Variants in SLC30A8 observed in about 807,000 individuals in gnomAD.
SLC30A8 encodes the protein proton-coupled zinc antiporter SLC30A8.
A neutral mutation model predicts 36.9 loss-of-function variants in SLC30A8; 27 were observed. The ratio of observed to expected loss-of-function variants is 0.73; its 90% confidence interval spans 0.54 to 1.01. SLC30A8 has a LOEUF of 1.01. Ranked by LOEUF, SLC30A8 falls within the 50% of genes least tolerant of loss-of-function variation. The pLI is 0.00. For missense variants in SLC30A8, 439 were observed against 452.0 expected, an observed-to-expected ratio of 0.97 and a Z score of 0.26; for synonymous variants, 164 against 172.4, an observed-to-expected ratio of 0.95 and a Z score of 0.38.
chr8:117,009,669 G>A (rs1816283574), intron 1 of SLC30A8, among the ~76,000 whole-genome samples: 1 of 152,148 alleles, frequency 6.6e-6, no homozygotes. Context: ...TAAAGGAGAA[G>A]CTGATAAATT....
At chr8:117,143,501 T>C (rs1173670875) in intron 1 of SLC30A8, among the ~76,000 whole-genome samples, 2 of 152,164 alleles carry the variant, frequency 1.3e-5, no homozygotes, top group African/African-American at 4.8e-5. Context: ...AAAATTCACA[T>C]CATTGTTCTG....
At chr8:117,037,148 G>T (rs1028688029) in intron 1 of SLC30A8, among the ~76,000 whole-genome samples, 1 of 151,492 alleles carries the variant, frequency 6.6e-6, no homozygotes, top group African/African-American at 2.4e-5. Context: ...TTCTTTTTTG[G>T]CAGGCAGGAA....
chr8:117,131,964 C>T (rs1025953830), upstream of SLC30A8, among the ~76,000 whole-genome samples: 16 of 152,072 alleles, frequency 1.1e-4, no homozygotes, highest in Admixed American at 2.6e-4. Flanking sequence ...AATTGTCTAC[C>T]TAACTAACTT....
chr8:117,123,329 T>C (rs1315077063), intron 2 of SLC30A8, among the ~76,000 whole-genome samples: 1 of 152,022 alleles, frequency 6.6e-6, no homozygotes. Flanking sequence ...CTAGCTGATT[T>C]TATGCAGTGC....
chr8:116,978,335 G>A (rs1815123741), intron 1 of SLC30A8, among the ~76,000 whole-genome samples: 1 of 152,146 alleles, frequency 6.6e-6, no homozygotes, highest in Non-Finnish European at 1.5e-5. Context: ...AAAAGACTTT[G>A]GGAAGGATGG....
intron 1 of SLC30A8, among the ~76,000 whole-genome samples, chr8:116,971,305 A>G (rs1183325242): frequency 6.7e-6 from 1 of 150,294 alleles, no homozygotes; most frequent in Non-Finnish European, 1.5e-5. Flanking sequence ...CCCTGTAGGA[A>G]AAAAAAAAAC....
chr8:117,143,694 A>ACACACACACACACACT (rs1205607816), intron 1 of SLC30A8, among the ~76,000 whole-genome samples: 2 of 151,384 alleles, frequency 1.3e-5, no homozygotes, highest in African/African-American at 4.9e-5. Context: ...ACACACACAC[A>ACACACACACACACACT]CACTCACACA....
intron 1 of SLC30A8, among the ~76,000 whole-genome samples, chr8:116,983,609 G>T (rs1381218178): frequency 3.9e-5 from 6 of 152,092 alleles, no homozygotes; most frequent in Admixed American, 6.6e-5. Context: ...AAATGTCCCT[G>T]TTTAATAATA....
intron 1 of SLC30A8, among the ~76,000 whole-genome samples, chr8:117,011,079 C>T (rs1816328805): frequency 6.6e-6 from 1 of 152,218 alleles, no homozygotes; most frequent in East Asian, 1.9e-4. Context: ...CTACGCTAAA[C>T]TCTTATCTAC....
intron 5 of SLC30A8, 136 bp downstream of exon 5, chr8:117,162,024 C>T: frequency 1.5e-6 from 1 of 657,722 alleles, no homozygotes; most frequent in Non-Finnish European, 2.4e-6. Context: ...CTAAAGCAAG[C>T]AAACACTCAA....
chr8:117,016,267 C>T (rs1259572665), intron 1 of SLC30A8, among the ~76,000 whole-genome samples: 3 of 152,152 alleles, frequency 2.0e-5, no homozygotes, highest in Non-Finnish European at 2.9e-5. Context: ...AGTAAATAGC[C>T]TTTGAAAAAT....
chr8:117,084,943 G>C (rs1037526600), intron 2 of SLC30A8, among the ~76,000 whole-genome samples: 3 of 152,060 alleles, frequency 2.0e-5, no homozygotes, highest in African/African-American at 7.2e-5. Context: ...GTTTGTATTT[G>C]TGTCTCTGAG....
At chr8:116,981,210 T>C (rs1227264106) in intron 1 of SLC30A8, among the ~76,000 whole-genome samples, 2 of 152,196 alleles carry the variant, frequency 1.3e-5, no homozygotes, top group Non-Finnish European at 2.9e-5. Flanking sequence ...ACTCTCACTC[T>C]AGTATGGTGA....
chr8:117,006,958 T>G (rs1351680241), intron 1 of SLC30A8: 2 of 70,856 alleles, frequency 2.8e-5, no homozygotes, highest in Admixed American at 1.5e-4. Context: ...AATTCTTGTT[T>G]TTTTTTTTTT....
chr8:117,151,498 C>CT (rs1822188509), intron 2 of SLC30A8, among the ~76,000 whole-genome samples: 1 of 152,224 alleles, frequency 6.6e-6, no homozygotes, highest in Admixed American at 6.5e-5. Flanking sequence ...CTGGATGGCT[C>CT]TTATAAGTAG....
At chr8:116,991,753 A>G (rs1169885745) in intron 1 of SLC30A8, among the ~76,000 whole-genome samples, 2 of 152,104 alleles carry the variant, frequency 1.3e-5, no homozygotes, top group African/African-American at 4.8e-5. Flanking sequence ...CCTTGCTGAT[A>G]TTTGTCAGTA....
intron 2 of SLC30A8, among the ~76,000 whole-genome samples, chr8:117,062,471 A>G (rs1818048077): frequency 6.6e-6 from 1 of 152,108 alleles, no homozygotes. Flanking sequence ...GTGTTTTTTA[A>G]ACGATCAGAT....
upstream of SLC30A8, chr8:117,130,257 A>T (rs1821074108): frequency 6.6e-6 from 1 of 151,988 alleles, no homozygotes; most frequent in Non-Finnish European, 1.5e-5. Flanking sequence ...TTCATGGGAA[A>T]GCTCTGAGGA....
intron 1 of SLC30A8, among the ~76,000 whole-genome samples, chr8:117,021,754 A>T (rs1376871594): frequency 2.0e-5 from 3 of 152,176 alleles, no homozygotes; most frequent in African/African-American, 7.2e-5. Context: ...ATATCAAGAC[A>T]TGTATTATAC....
Sources: allele counts gnomAD v4.1 joint callset (sites outside exome capture counted in the v4.1 genomes callset), GRCh38; gene constraint gnomAD v4.1.1; transcripts MANE v1.5; gene names NCBI Gene and HGNC (gene_info 2026-07-23, HGNC 2026-07-21).